The following SGCD variants were observed in gnomAD, a reference collection of about 807,000 sequenced individuals.
The protein encoded by SGCD is delta-sarcoglycan.
SGCD carries 18 observed loss-of-function variants against 36.6 expected under a neutral mutation model. That is an observed-to-expected ratio of 0.49 (90% CI 0.34 to 0.73). SGCD has a LOEUF of 0.73. Ranked by LOEUF, SGCD falls within the 30% of genes least tolerant of loss-of-function variation. The probability of loss-of-function intolerance (pLI) is 0.01; values close to 1 mark genes in which losing one functional copy is unlikely to be tolerated. For missense variants in SGCD, 387 were observed against 346.7 expected (o/e 1.12, Z -0.92); for synonymous variants, 133 against 130.6 (o/e 1.02, Z -0.12).
intron 1 of SGCD, among the ~76,000 whole-genome samples, chr5:155,967,101 ATTTC>A (rs770406019): frequency 3.3e-4 from 50 of 152,016 alleles, no homozygotes; most frequent in Middle Eastern, 6.8e-3. Flanking sequence ...TTTCCGAAGC[ATTTC>A]TTTCTTCTAG....
intron 6 of SGCD, among the ~76,000 whole-genome samples, chr5:156,640,536 A>G (rs1439889285): frequency 6.7e-6 from 1 of 150,176 alleles, no homozygotes; most frequent in Non-Finnish European, 1.5e-5. Flanking sequence ...ACATTGCCTC[A>G]GCATTGTGCC....
intron 3 of SGCD, among the ~76,000 whole-genome samples, chr5:156,155,231 A>C (rs1008374717): frequency 1.3e-5 from 2 of 151,460 alleles, no homozygotes; most frequent in African/African-American, 4.9e-5. Context: ...TGTCTATCTG[A>C]AACAAGTTTA....
intron 3 of SGCD, among the ~76,000 whole-genome samples, chr5:156,186,275 T>C (rs958844635): frequency 1.3e-5 from 2 of 152,056 alleles, no homozygotes; most frequent in Non-Finnish European, 2.9e-5. Flanking sequence ...TTCTAACATA[T>C]TGAGGTTGTG....
chr5:156,405,314 ATCT>A (rs1772351234), intron 3 of SGCD, among the ~76,000 whole-genome samples: 1 of 152,208 alleles, frequency 6.6e-6, no homozygotes, highest in Non-Finnish European at 1.5e-5. Flanking sequence ...TAAACATATC[ATCT>A]TCTACATAGC....
the SGCD span, among the ~76,000 whole-genome samples, chr5:155,773,611 C>T: frequency 3.9e-5 from 6 of 152,158 alleles, no homozygotes; most frequent in African/African-American, 9.6e-5. Flanking sequence ...TTTGGGAAGA[C>T]GGATATGTGA....
intron 3 of SGCD, among the ~76,000 whole-genome samples, chr5:156,301,408 A>T (rs1234429015): frequency 6.6e-6 from 1 of 151,362 alleles, no homozygotes; most frequent in Non-Finnish European, 1.5e-5. Flanking sequence ...TAACTTTACT[A>T]CTCCCCTGCT....
chr5:156,545,094 ATCTT>A (rs543928594), intron 4 of SGCD, among the ~76,000 whole-genome samples: 2 of 152,088 alleles, frequency 1.3e-5, no homozygotes, highest in South Asian at 4.1e-4. Context: ...GCTTTAATAT[ATCTT>A]TATTCTTCTA....
At chr5:155,860,897 A>G in the SGCD span, among the ~76,000 whole-genome samples, 1 of 152,356 alleles carries the variant, frequency 6.6e-6, no homozygotes. Flanking sequence ...CTAAAGTATA[A>G]TGCAAGGTTT....
chr5:156,389,713 C>T (rs1279432939), intron 3 of SGCD, among the ~76,000 whole-genome samples: 1 of 152,156 alleles, frequency 6.6e-6, no homozygotes, highest in Non-Finnish European at 1.5e-5. Context: ...CAGGCTGATA[C>T]AGGTTTGTGT....
chr5:156,427,492 T>C (rs1773725543), intron 3 of SGCD, among the ~76,000 whole-genome samples: 1 of 152,052 alleles, frequency 6.6e-6, no homozygotes, highest in African/African-American at 2.4e-5. Context: ...ACAGCGACAG[T>C]TTTACTTCCT....
intron 7 of SGCD, among the ~76,000 whole-genome samples, chr5:156,710,180 A>G (rs1401699194): frequency 6.6e-6 from 1 of 152,198 alleles, no homozygotes; most frequent in African/African-American, 2.4e-5. Flanking sequence ...GAAAATGCAT[A>G]TATTTATACA....
chr5:155,992,011 C>A (rs1435896042), intron 1 of SGCD, among the ~76,000 whole-genome samples: 2 of 152,230 alleles, frequency 1.3e-5, no homozygotes, highest in Non-Finnish European at 2.9e-5. Context: ...CATCACTTTT[C>A]TTCCTCCCTT....
At chr5:156,189,957 C>T (rs1763850804) in intron 3 of SGCD, among the ~76,000 whole-genome samples, 1 of 152,092 alleles carries the variant, frequency 6.6e-6, no homozygotes, top group Non-Finnish European at 1.5e-5. Context: ...AAATAGGTTT[C>T]CCTTGAAAGA....
chr5:156,381,876 T>C (rs1355597163), intron 3 of SGCD, among the ~76,000 whole-genome samples: 1 of 152,164 alleles, frequency 6.6e-6, no homozygotes, highest in African/African-American at 2.4e-5. Context: ...AGTTTTCTCA[T>C]CCATAAAAAT....
chr5:156,673,287 G>A (rs1753377535), intron 7 of SGCD, among the ~76,000 whole-genome samples: 1 of 152,146 alleles, frequency 6.6e-6, no homozygotes, highest in South Asian at 2.1e-4. Context: ...ATTTCCGAAA[G>A]AGAATAATCC....
At chr5:156,729,207 G>C (rs1755934676) in intron 7 of SGCD, among the ~76,000 whole-genome samples, 1 of 152,156 alleles carries the variant, frequency 6.6e-6, no homozygotes, top group African/African-American at 2.4e-5. Flanking sequence ...TTTTTCTGAG[G>C]AGCTTTTACT....
At chr5:156,163,241 A>C (rs1763126023) in intron 3 of SGCD, among the ~76,000 whole-genome samples, 1 of 151,686 alleles carries the variant, frequency 6.6e-6, no homozygotes, top group South Asian at 2.1e-4. Flanking sequence ...AAGATACTAA[A>C]TAGTTAAGAT....
intron 4 of SGCD, among the ~76,000 whole-genome samples, chr5:156,564,014 A>G (rs191474217): frequency 1.2e-3 from 185 of 152,360 alleles, no homozygotes; most frequent in Middle Eastern, 6.8e-3. Context: ...GTGATGCTTA[A>G]TGGTAGCTGT....
the SGCD span, among the ~76,000 whole-genome samples, chr5:155,827,845 A>ATTTTTTT: frequency 3.4e-4 from 43 of 124,908 alleles, 1 homozygote; most frequent in African/African-American, 9.4e-4. Context: ...CACCTGGCTA[A>ATTTTTTT]TTTTTTTTTT....
Sources: allele counts gnomAD v4.1 joint callset (sites outside exome capture counted in the v4.1 genomes callset), GRCh38; gene constraint gnomAD v4.1.1; transcripts MANE v1.5; gene names NCBI Gene and HGNC (gene_info 2026-07-23, HGNC 2026-07-21).